TANGO6: variants seen among roughly 807,000 people sequenced by gnomAD.
The protein encoded by TANGO6 is transport and golgi organization 6 homolog.
In TANGO6, 90 loss-of-function variants were observed where a neutral mutation model predicts 114.2. The observed-to-expected ratio is 0.79, with a 90% CI of 0.66 to 0.94. The LOEUF (loss-of-function observed/expected upper bound fraction) is 0.94, where lower values mean the gene tolerates loss of function less well. TANGO6 is among the 40% of genes least tolerant of loss of function. TANGO6 has a pLI of 0.00. For synonymous variants in TANGO6, 477 were observed against 509.8 expected (o/e 0.94, Z 0.87); for missense variants, 1,274 against 1,315.3 (o/e 0.97, Z 0.49).
At chr16:68,876,097 A>G (rs1962352932) in intron 5 of TANGO6, among the ~76,000 whole-genome samples, 1 of 152,222 alleles carries the variant, frequency 6.6e-6, no homozygotes, top group South Asian at 2.1e-4. Flanking sequence ...TAATGTATGT[A>G]TATATTAACA....
chr16:68,867,062 C>T lies in TANGO6; in HGVS notation c.853-17C>T, dbSNP rs1962189360. The T allele has an allele frequency of 3.2e-6, 5 of 1,542,870 alleles. No homozygotes were observed. Among genetic ancestry groups the T allele is most frequent in the Non-Finnish European group, 4.4e-6 (5 of 1,137,652 alleles). ...TTTCAGTGACATTCAGAATTCACAC[C>T]TTCTTCTTTTTCTCAGTCCTGCACA... On this transcript the variant is annotated splice_polypyrimidine_tract_variant and intron_variant, in intron 3 of 17. Transcript: ENST00000261778.
rs571554537 is a variant in TANGO6 at position 69,004,065 on chromosome 16, A to C, written c.2843-18763A>C. Among the ~76,000 whole-genome samples, 11 of 152,180 alleles carry C rather than the reference A, an allele frequency of 7.2e-5. No individual in the cohort carries two copies. In the South Asian group the frequency reaches 2.1e-3, roughly 29 times the overall value. The stretch of plus-strand genomic sequence containing the variant: ...CTTCTTTGGCACATTTTACATACAG[A>C]ATTATATATGAATTTTTAGTAATCC... On this transcript the variant is annotated intron_variant, in intron 15 of 17. Coordinates refer to ENST00000261778, the MANE Select transcript of TANGO6 (RefSeq NM_024562.2).
intron 17 of TANGO6, among the ~76,000 whole-genome samples, chr16:69,062,267 G>C (rs1185327125): frequency 6.6e-6 from 1 of 151,986 alleles, no homozygotes; most frequent in Non-Finnish European, 1.5e-5. Flanking sequence ...TGTACCTGAG[G>C]CTTAGACTTT....
intron 11 of TANGO6, among the ~76,000 whole-genome samples, chr16:68,910,384 C>T (rs1962906441): frequency 6.6e-6 from 1 of 152,146 alleles, no homozygotes; most frequent in Admixed American, 6.6e-5. Flanking sequence ...TTTGTTTCTC[C>T]TGTGTTTATA....
chr16:69,065,242 A>C (rs999684759), intron 17 of TANGO6, among the ~76,000 whole-genome samples: 14 of 152,228 alleles, frequency 9.2e-5, no homozygotes, highest in African/African-American at 3.4e-4. Context: ...CTGCATGGTC[A>C]CTGACCACTC....
At chr16:69,045,935 G>A (rs912851633) in intron 17 of TANGO6, among the ~76,000 whole-genome samples, 4 of 150,482 alleles carry the variant, frequency 2.7e-5, no homozygotes, top group African/African-American at 9.8e-5. Context: ...GTGGTGTCAC[G>A]CATCTGTAAT....
In TANGO6 at chr16:68,927,792, T is replaced by C; in HGVS notation, c.2352T>C (p.His784=). 3 of 1,613,908 alleles carry C rather than the reference T, an allele frequency of 1.9e-6. No homozygotes were observed. The highest frequency in any genetic ancestry group is 1.1e-5 in the South Asian group (1 of 91,080). The change falls in exon 13 of 18, where the codon CAT becomes CAC. Residue 784 remains histidine, a synonymous_variant. Transcript: ENST00000261778. ...GKIEEQQQTS[H]ERPTDVAHSH... ...TAGAAGAGCAGCAACAAACCAGTCA[T>C]GAAAGACCCACTGATGTAGCTCATA... is the stretch of plus-strand genomic sequence containing the variant.
At chr16:69,017,636 A>G (rs1422056044) in intron 15 of TANGO6, among the ~76,000 whole-genome samples, 1 of 152,094 alleles carries the variant, frequency 6.6e-6, no homozygotes, top group Non-Finnish European at 1.5e-5. Context: ...CTAAACTGAA[A>G]GTGACTCACC....
chr16:69,009,928 T>A (rs992740936), intron 15 of TANGO6, among the ~76,000 whole-genome samples: 1 of 152,220 alleles, frequency 6.6e-6, no homozygotes, highest in Non-Finnish European at 1.5e-5. Context: ...ATTTCATGCA[T>A]GTACTAAGAG....
chr16:68,874,896 G>A (rs562454761), intron 4 of TANGO6, among the ~76,000 whole-genome samples: 1 of 152,212 alleles, frequency 6.6e-6, no homozygotes, highest in East Asian at 1.9e-4. Context: ...GTTGCAGTGA[G>A]CTGAGATCAT....
chr16:68,889,751 C>T (rs927829716), intron 7 of TANGO6, among the ~76,000 whole-genome samples: 1 of 152,172 alleles, frequency 6.6e-6, no homozygotes, highest in African/African-American at 2.4e-5. Context: ...AATCTGGCTC[C>T]AAAGTTGACT....
Position 68,929,734 on chromosome 16 carries a change from G to A in TANGO6, c.2644-504G>A, listed in dbSNP as rs12933298. Reference sequence around the variant, plus strand: ...TAATTTGTTACTAATATCAATTAAAGTGCTGAAATTTACAAGATTTTCAAA... The same window carrying A: ...TAATTTGTTACTAATATCAATTAAAATGCTGAAATTTACAAGATTTTCAAA... On this transcript the variant is annotated intron_variant, in intron 13 of 17. Transcript: ENST00000261778. Among the ~76,000 whole-genome samples the A allele has an allele frequency of 3.5e-3, 527 of 152,254 alleles. 1 individual carries two copies. Among genetic ancestry groups the A allele is most frequent in the Non-Finnish European group, 6.5e-3 (440 of 68,012 alleles).
At chr16:69,015,788 CT>C (rs1316144613) in intron 15 of TANGO6, among the ~76,000 whole-genome samples, 1 of 152,050 alleles carries the variant, frequency 6.6e-6, no homozygotes, top group Non-Finnish European at 1.5e-5. Context: ...CCAATGGATG[CT>C]CATTTTCAAA....
At chr16:68,918,590 G>C (rs1171865054) in intron 11 of TANGO6, among the ~76,000 whole-genome samples, 1 of 152,216 alleles carries the variant, frequency 6.6e-6, no homozygotes, top group East Asian at 1.9e-4. Flanking sequence ...AGTTGGAGTA[G>C]CATATTAAAA....
chr16:69,051,529 A>C (rs966747783), intron 17 of TANGO6, among the ~76,000 whole-genome samples: 1 of 152,182 alleles, frequency 6.6e-6, no homozygotes, highest in Non-Finnish European at 1.5e-5. Flanking sequence ...CTAAAAATAC[A>C]AAAATTAACT....
intron 17 of TANGO6, among the ~76,000 whole-genome samples, chr16:69,042,366 G>T (rs1300379581): frequency 1.3e-5 from 2 of 152,110 alleles, no homozygotes; most frequent in Non-Finnish European, 2.9e-5. Context: ...GGCCAACATG[G>T]TGAAACCCCG....
chr16:69,084,976 G>A lies in TANGO6; in HGVS notation c.*1315G>A, dbSNP rs1279342931. ...GGCCATCTTATGAACAGGATCACAA[G>A]TGAGCTTAGTGAGCAGAGAGTTAGA... is the stretch of plus-strand genomic sequence containing the variant. On this transcript the variant is annotated 3_prime_UTR_variant, in exon 18 of 18. Transcript: ENST00000261778. 6.6e-6 allele frequency: 1 copy of A among 152,346 alleles called. No individual in the cohort carries two copies. The highest frequency in any genetic ancestry group is 1.5e-5 in the Non-Finnish European group (1 of 68,034). 9.4% of individuals were successfully genotyped at this position (152,346 alleles called of 1,614,324 possible). A position where few individuals can be genotyped will look rare whatever the true frequency, so the allele number is the denominator to read the frequency against.
chr16:68,946,641 A>T (rs935828265), intron 14 of TANGO6, among the ~76,000 whole-genome samples: 1 of 152,066 alleles, frequency 6.6e-6, no homozygotes, highest in South Asian at 2.1e-4. Context: ...AGCCAGGACT[A>T]CAGGTGCACA....
chr16:68,859,136 C>G (rs1320837393), intron 1 of TANGO6, among the ~76,000 whole-genome samples: 2 of 152,120 alleles, frequency 1.3e-5, no homozygotes, highest in African/African-American at 4.8e-5. Context: ...AATGTAAGTT[C>G]CATGAGGAAG....
Sources: gnomAD v4.1 joint callset for allele counts (sites outside exome capture counted in the v4.1 genomes callset) on GRCh38, gnomAD v4.1.1 for gene constraint, MANE v1.5 for transcripts, NCBI Gene and HGNC (gene_info 2026-07-23, HGNC 2026-07-21) for gene names.